The following SOX5 variants were observed in gnomAD, a reference collection of about 807,000 sequenced individuals.
SOX5 encodes the protein SRY-box transcription factor 5, also known as transcription factor SOX-5.
In SOX5, 9 loss-of-function variants were observed where a neutral mutation model predicts 92.0. The ratio of observed to expected loss-of-function variants is 0.10; its 90% CI spans 0.06 to 0.17. The LOEUF is 0.17. SOX5 is among the 10% of genes least tolerant of loss of function. The pLI, the probability that SOX5 is intolerant of heterozygous loss-of-function variation, is 1.00. For synonymous variants in SOX5, 344 were observed against 336.3 expected (o/e 1.02, Z -0.25); for missense variants, 642 against 944.5 (o/e 0.68, Z 4.20).
intron 1 of SOX5, among the ~76,000 whole-genome samples, chr12:23,912,451 G>C (rs989797945): frequency 3.3e-5 from 5 of 152,156 alleles, no homozygotes; most frequent in Admixed American, 6.5e-5. Flanking sequence ...AGTTTCTAAA[G>C]AGTTACCATA....
At chr12:24,031,928 G>A (rs969639695) in intron 4 of SOX5, among the ~76,000 whole-genome samples, 2 of 151,798 alleles carry the variant, frequency 1.3e-5, no homozygotes, top group African/African-American at 2.4e-5. Context: ...CTTATGCATA[G>A]GCATGAGATA....
At chr12:23,855,048 A>G (rs1453894109) in intron 2 of SOX5, among the ~76,000 whole-genome samples, 1 of 135,156 alleles carries the variant, frequency 7.4e-6, no homozygotes, top group Non-Finnish European at 1.6e-5. Context: ...AGAATATACA[A>G]AAACAAATAA....
At chr12:24,449,240 C>A (rs1941926359) in intron 1 of SOX5, among the ~76,000 whole-genome samples, 1 of 152,184 alleles carries the variant, frequency 6.6e-6, no homozygotes, top group Non-Finnish European at 1.5e-5. Context: ...AAAAAAAATT[C>A]TAATTCCTTA....
chr12:23,850,225 T>C (rs1377872826), intron 2 of SOX5, among the ~76,000 whole-genome samples: 1 of 152,004 alleles, frequency 6.6e-6, no homozygotes, highest in Non-Finnish European at 1.5e-5. Flanking sequence ...GGTCAAGAGA[T>C]CGAGACTGTC....
chr12:23,589,562 C>T (rs540180518), intron 9 of SOX5, among the ~76,000 whole-genome samples: 9 of 151,858 alleles, frequency 5.9e-5, no homozygotes, highest in South Asian at 4.1e-4. Context: ...AGGTAAATGG[C>T]GAATACTTTA....
intron 1 of SOX5, among the ~76,000 whole-genome samples, chr12:24,464,893 C>A (rs1944056605): frequency 6.6e-6 from 1 of 152,184 alleles, no homozygotes; most frequent in African/African-American, 2.4e-5. Context: ...TATGGAAAAG[C>A]TCCTTTTCTG....
chr12:23,828,663 T>C (rs956540790), intron 3 of SOX5, among the ~76,000 whole-genome samples: 6 of 151,866 alleles, frequency 4.0e-5, no homozygotes, highest in South Asian at 2.1e-4. Context: ...TATTATATCA[T>C]ACATGACTTC....
At chr12:23,570,446 A>G (rs1033914491) in intron 10 of SOX5, among the ~76,000 whole-genome samples, 2 of 152,172 alleles carry the variant, frequency 1.3e-5, no homozygotes, top group Non-Finnish European at 1.5e-5. Flanking sequence ...ACCTTCCTGC[A>G]AACAAGGTTT....
At chr12:23,749,168 T>A (rs932785727) in intron 4 of SOX5, among the ~76,000 whole-genome samples, 1 of 151,870 alleles carries the variant, frequency 6.6e-6, no homozygotes, top group East Asian at 1.9e-4. Context: ...CATGCAAACA[T>A]CTATTAATTA....
chr12:24,330,988 C>T (rs552583545), intron 2 of SOX5, among the ~76,000 whole-genome samples: 14 of 152,134 alleles, frequency 9.2e-5, no homozygotes, highest in Non-Finnish European at 1.3e-4. Context: ...TACAAGGCTG[C>T]GGCTAAATGG....
chr12:24,168,815 C>T (rs976987850), intron 4 of SOX5, among the ~76,000 whole-genome samples: 6 of 152,100 alleles, frequency 3.9e-5, no homozygotes, highest in African/African-American at 1.2e-4. Flanking sequence ...GATGGGCAGG[C>T]GTGCATGTGC....
At chr12:23,751,807 T>C (rs2094188777) in intron 4 of SOX5, among the ~76,000 whole-genome samples, 1 of 151,908 alleles carries the variant, frequency 6.6e-6, no homozygotes, top group Non-Finnish European at 1.5e-5. Flanking sequence ...AACCAGTTGT[T>C]GAATTACATC....
chr12:24,105,669 T>C (rs1268786540), intron 4 of SOX5, among the ~76,000 whole-genome samples: 1 of 152,210 alleles, frequency 6.6e-6, no homozygotes. Flanking sequence ...TTACATAACA[T>C]ATGTAGTTGA....
chr12:23,774,990 A>T (rs1185643076), intron 3 of SOX5, among the ~76,000 whole-genome samples: 1 of 152,162 alleles, frequency 6.6e-6, no homozygotes, highest in Non-Finnish European at 1.5e-5. Flanking sequence ...TGTATGCAAA[A>T]TAGAATTTGC....
chr12:23,697,551 T>C lies in SOX5; in HGVS notation c.811-31987A>G, dbSNP rs916229207. On this transcript the variant is annotated intron_variant, in intron 6 of 14. Transcript: ENST00000451604. ...TTAGATAATTTACATTTATTTATCATGATTATTTATTTTTTTAAAGGCAGG... is the reference window on the plus strand; with the variant it reads ...TTAGATAATTTACATTTATTTATCACGATTATTTATTTTTTTAAAGGCAGG... 3.3e-5 allele frequency among the ~76,000 whole-genome samples: 5 copies of C among 152,170 alleles called. No individual in the cohort carries two copies. The South Asian group carries it at 1.0e-3, about 32-fold the overall frequency.
intron 4 of SOX5, among the ~76,000 whole-genome samples, chr12:24,094,133 G>A (rs995439265): frequency 6.6e-6 from 1 of 152,078 alleles, no homozygotes; most frequent in Non-Finnish European, 1.5e-5. Context: ...ATTTAGTAGA[G>A]AGGGGGTTTC....
At chr12:24,004,922 A>G (rs1460387717) in intron 4 of SOX5, among the ~76,000 whole-genome samples, 1 of 152,166 alleles carries the variant, frequency 6.6e-6, no homozygotes, top group African/African-American at 2.4e-5. Flanking sequence ...ATAAAATATT[A>G]TTCAGCAATA....
intron 9 of SOX5, among the ~76,000 whole-genome samples, chr12:23,584,139 C>T (rs906354804): frequency 1.3e-5 from 2 of 152,092 alleles, no homozygotes; most frequent in Admixed American, 1.3e-4. Flanking sequence ...CACAACAACA[C>T]ATCATCATCA....
chr12:24,337,609 G>C (rs577073481), intron 2 of SOX5, among the ~76,000 whole-genome samples: 5 of 152,072 alleles, frequency 3.3e-5, no homozygotes, highest in African/African-American at 7.2e-5. Context: ...CAAAGTGCTG[G>C]GATTACAAGC....
Sources: gnomAD v4.1 joint callset for allele counts (sites outside exome capture counted in the v4.1 genomes callset) on GRCh38, gnomAD v4.1.1 for gene constraint, MANE v1.5 for transcripts, NCBI Gene and HGNC (gene_info 2026-07-23, HGNC 2026-07-21) for gene names.